Variants in FAM13A observed in about 807,000 individuals in gnomAD.
The protein encoded by FAM13A is protein FAM13A.
In FAM13A, 76 loss-of-function variants were observed where a neutral mutation model predicts 129.6. The observed-to-expected ratio is 0.59, with a 90% CI of 0.49 to 0.71. The LOEUF (loss-of-function observed/expected upper bound fraction) is 0.71, where lower values mean the gene tolerates loss of function less well. Among genes scored for constraint, FAM13A ranks in the 30% least tolerant of loss-of-function variants. The pLI is 0.00. For synonymous variants in FAM13A, 443 were observed against 449.9 expected (o/e 0.98, Z 0.20); for missense variants, 1,108 against 1,249.3 (o/e 0.89, Z 1.70).
chr4:88,957,866 T>G (rs777144426), intron 4 of FAM13A, among the ~76,000 whole-genome samples: 23 of 152,204 alleles, frequency 1.5e-4, no homozygotes, highest in Admixed American at 1.2e-3. Flanking sequence ...TTAGGGAATT[T>G]GTGGAAGTTT....
Position 88,897,896 on chromosome 4 carries a change from C to T in FAM13A, c.843+8483G>A, listed in dbSNP as rs1000080322. Among the ~76,000 whole-genome samples the T allele has an allele frequency of 1.8e-4, 27 of 152,100 alleles. 1 individual carries two copies. The highest frequency in any genetic ancestry group is 1.2e-3 in the Admixed American group (19 of 15,256). ...TTTGACATTACAAAGATAATCACCCCAAACTAAGTGGAGTTTAGTTTGCTC... is the reference window on the plus strand; with the variant it reads ...TTTGACATTACAAAGATAATCACCCTAAACTAAGTGGAGTTTAGTTTGCTC... On this transcript the variant is annotated intron_variant, in intron 6 of 23. Transcript: ENST00000264344.
At chr4:88,973,679 G>T (rs1162991918) in intron 4 of FAM13A, among the ~76,000 whole-genome samples, 1 of 151,936 alleles carries the variant, frequency 6.6e-6, no homozygotes, top group Non-Finnish European at 1.5e-5. Context: ...CTATGTTTTT[G>T]TTTCTTTTAG....
chr4:88,726,079 A>C lies in FAM13A; in HGVS notation c.*2454T>G, dbSNP rs184410907. The C allele has an allele frequency of 6.6e-6, 1 of 152,324 alleles. No individual in the cohort carries two copies. Among genetic ancestry groups the C allele is most frequent in the Admixed American group, 6.5e-5 (1 of 15,300 alleles). The allele number at this position is 152,324 out of a possible 1,614,324, so 9.4% of individuals were successfully genotyped here. A position where few individuals can be genotyped will look rare whatever the true frequency, so the allele number is the denominator to read the frequency against. ...ATATTCCCAACACAGCAAAGGAAAA[A>C]TCCCAGTCCAGAGCATTTTGTCTTT... is the stretch of plus-strand genomic sequence containing the variant. On this transcript the variant is annotated 3_prime_UTR_variant, in exon 24 of 24. Coordinates refer to ENST00000264344, the MANE Select transcript of FAM13A (RefSeq NM_014883.4).
chr4:88,743,891 T>C (rs1740755732), intron 19 of FAM13A, among the ~76,000 whole-genome samples: 1 of 152,192 alleles, frequency 6.6e-6, no homozygotes, highest in South Asian at 2.1e-4. Context: ...AAGAAGTAGT[T>C]TGAGTTTGTG....
At chr4:88,825,950 T>C (rs1404967662) in intron 7 of FAM13A, among the ~76,000 whole-genome samples, 1 of 152,178 alleles carries the variant, frequency 6.6e-6, no homozygotes, top group Non-Finnish European at 1.5e-5. Flanking sequence ...ATTTGATAAT[T>C]GTTTCTGAAT....
Position 89,029,466 on chromosome 4 carries a change from G to C in FAM13A, c.211C>G (p.Gln71Glu). The C allele has an allele frequency of 6.3e-7, 1 of 1,596,802 alleles. No individual in the cohort carries two copies. ...AAAGCATGACTTAACTCACCATGCT[G>C]CGTCAAATATTCCACTATATTCCAC... ...VVWNIVEYLT[Q>E]HGLTQEGLFR... The change falls in exon 2 of 24, where the codon CAG becomes GAG. Residue 71 changes from glutamine (Q) to glutamate (E), a missense_variant. Gln to Glu is a conservative substitution (Grantham distance 29, BLOSUM62 2). This residue lies in a region of FAM13A where 566 missense variants were observed against 595.7 expected (regional missense o/e 0.95). Transcript: ENST00000264344.
At chr4:88,913,870 C>A (rs951005598) in intron 5 of FAM13A, among the ~76,000 whole-genome samples, 2 of 152,100 alleles carry the variant, frequency 1.3e-5, no homozygotes, top group African/African-American at 4.8e-5. Flanking sequence ...GCCTAATTGG[C>A]AACTCTACAC....
Position 88,906,420 on chromosome 4 carries a change from C to G in FAM13A, c.802G>C (p.Gly268Arg), listed in dbSNP as rs751586274. ...KNSLPILLTR[G>R]LERDMPKPPP... ...GGTTTTGGCATGTCTCTTTCTAAGC[C>G]TCTTGTTAAAAGGATGGGCAGGGAG... The change falls in exon 6 of 24, where the codon GGC (glycine) becomes CGC (arginine). Residue 268 changes from glycine (G) to arginine (R), a missense_variant. Around this residue, in one of 3 missense-constraint regions of FAM13A, gnomAD observed 566 missense variants for 595.7 expected, o/e 0.95. Coordinates refer to ENST00000264344, the MANE Select transcript of FAM13A (RefSeq NM_014883.4). 1 of 1,612,148 alleles carries G rather than the reference C, an allele frequency of 6.2e-7. No homozygotes were observed. The highest frequency in any genetic ancestry group is 8.5e-7 in the Non-Finnish European group (1 of 1,178,960).
At chr4:88,797,899 T>C (rs983348106) in intron 8 of FAM13A, among the ~76,000 whole-genome samples, 8 of 152,218 alleles carry the variant, frequency 5.3e-5, no homozygotes, top group Non-Finnish European at 1.0e-4. Flanking sequence ...ATCAATTCTC[T>C]AGATTCTGCT....
intron 7 of FAM13A, chr4:88,823,136 G>C (rs1732363020): frequency 2.0e-6 from 3 of 1,504,350 alleles, no homozygotes; most frequent in African/African-American, 2.8e-5. Flanking sequence ...CACGGCTGGA[G>C]AAACAACTTG....
intron 3 of FAM13A, among the ~76,000 whole-genome samples, chr4:89,013,444 A>G (rs927813251): frequency 1.3e-5 from 2 of 152,144 alleles, no homozygotes; most frequent in African/African-American, 4.8e-5. Flanking sequence ...TGCCTAATGC[A>G]TACATTATTC....
At chr4:88,948,642 C>A (rs1284951291) in intron 4 of FAM13A, among the ~76,000 whole-genome samples, 1 of 152,122 alleles carries the variant, frequency 6.6e-6, no homozygotes, top group Non-Finnish European at 1.5e-5. Flanking sequence ...GTACATGCCA[C>A]CACGCCTGGC....
At chr4:89,023,177 T>C (rs1767501178) in intron 2 of FAM13A, among the ~76,000 whole-genome samples, 1 of 152,218 alleles carries the variant, frequency 6.6e-6, no homozygotes, top group Non-Finnish European at 1.5e-5. Context: ...TATTGGGAGA[T>C]GCCAGCTTAA....
chr4:88,936,101 A>T (rs1753807081), intron 5 of FAM13A, among the ~76,000 whole-genome samples: 2 of 152,084 alleles, frequency 1.3e-5, no homozygotes, highest in South Asian at 4.1e-4. Context: ...GCTCCCACAG[A>T]ATTATGTCTT....
intron 1 of FAM13A, among the ~76,000 whole-genome samples, chr4:89,035,653 T>C (rs116099231): frequency 0.013 from 2,004 of 152,250 alleles, 49 homozygotes; most frequent in African/African-American, 0.045. Flanking sequence ...TGGGAGGTGA[T>C]TGGATCATGG....
At chr4:88,883,693 C>T (rs931937735) in intron 6 of FAM13A, among the ~76,000 whole-genome samples, 1 of 151,606 alleles carries the variant, frequency 6.6e-6, no homozygotes, top group Non-Finnish European at 1.5e-5. Context: ...TAGAAACAAA[C>T]AAAAATACAA....
chr4:89,011,178 G>A (rs1765682998), intron 3 of FAM13A, among the ~76,000 whole-genome samples: 1 of 151,902 alleles, frequency 6.6e-6, no homozygotes, highest in South Asian at 2.1e-4. Context: ...TACCAGCTAC[G>A]ATGTTCTCTT....
chr4:88,923,749 G>C (rs1751565999), intron 5 of FAM13A, among the ~76,000 whole-genome samples: 2 of 152,172 alleles, frequency 1.3e-5, no homozygotes, highest in South Asian at 4.1e-4. Flanking sequence ...ATTAGGAAAA[G>C]AGGAAGTCAA....
At chr4:89,052,023 G>A (rs1321673168) in intron 1 of FAM13A, among the ~76,000 whole-genome samples, 1 of 152,042 alleles carries the variant, frequency 6.6e-6, no homozygotes, top group Non-Finnish European at 1.5e-5. Flanking sequence ...TGAAATGTTG[G>A]TCCCATCCTT....
Sources: allele counts gnomAD v4.1 joint callset (sites outside exome capture counted in the v4.1 genomes callset), GRCh38; gene constraint gnomAD v4.1.1; regional missense constraint gnomAD v4.1.1; transcripts MANE v1.5; gene names NCBI Gene and HGNC (gene_info 2026-07-23, HGNC 2026-07-21).